PIK3R3: variants seen among roughly 807,000 people sequenced by gnomAD.
PIK3R3 encodes the protein phosphatidylinositol 3-kinase regulatory subunit gamma.
In PIK3R3, 64 loss-of-function variants were observed where a neutral mutation model predicts 62.9. The ratio of observed to expected loss-of-function variants is 1.02; its 90% CI spans 0.83 to 1.25. The LOEUF (loss-of-function observed/expected upper bound fraction) is 1.25. Among genes scored for constraint, PIK3R3 ranks in the 50% most tolerant of loss-of-function variants. PIK3R3 has a pLI of 0.00. For synonymous variants in PIK3R3, 165 were observed against 189.0 expected (o/e 0.87, Z 1.04); for missense variants, 614 against 561.6 (o/e 1.09, Z -0.94).
At chr1:46,045,616 G>GTTTTTTTTTTTTTTT (rs1357786582) in intron 9 of PIK3R3, among the ~76,000 whole-genome samples, 5 of 16,546 alleles carry the variant, frequency 3.0e-4, no homozygotes, top group Admixed American at 6.7e-4. Flanking sequence ...ACAATTAAGT[G>GTTTTTTTTTTTTTTT]CTTTTTTTTT....
intron 1 of PIK3R3, chr1:46,104,939 A>C (rs1039512413): frequency 2.3e-5 from 12 of 529,160 alleles, no homozygotes; most frequent in South Asian, 1.0e-4. Context: ...AAAAAAAAAA[A>C]AAAAAAAAAA....
upstream of PIK3R3, among the ~76,000 whole-genome samples, chr1:46,134,865 T>C (rs1400533223): frequency 6.6e-6 from 1 of 152,186 alleles, no homozygotes; most frequent in African/African-American, 2.4e-5. Flanking sequence ...CTTTGAGAGA[T>C]GAAGTGACGT....
chr1:46,143,654 A>ATT, the PIK3R3 span, among the ~76,000 whole-genome samples: 5 of 146,638 alleles, frequency 3.4e-5, no homozygotes, highest in Admixed American at 2.7e-4. Flanking sequence ...AAGAAAAAAA[A>ATT]TTTTTTTTTT....
intron 7 of PIK3R3, among the ~76,000 whole-genome samples, chr1:46,049,292 T>C (rs533668857): frequency 1.3e-5 from 2 of 152,216 alleles, no homozygotes; most frequent in South Asian, 2.1e-4. Context: ...TTTCTAAAGA[T>C]CTAATTGGTT....
chr1:46,157,637 C>T, the PIK3R3 span, among the ~76,000 whole-genome samples: 2 of 152,236 alleles, frequency 1.3e-5, no homozygotes, highest in Admixed American at 6.5e-5. Context: ...AATTCTTCGT[C>T]TCTCAATTCA....
intron 4 of PIK3R3, 91 bp from the exon 5 acceptor site, chr1:46,066,270 C>A: frequency 1.2e-6 from 1 of 836,298 alleles, no homozygotes; most frequent in Non-Finnish European, 1.9e-6. Flanking sequence ...AGGAAAATAT[C>A]ACCTCAACCA....
At chr1:46,153,691 T>A in the PIK3R3 span, among the ~76,000 whole-genome samples, 2 of 152,148 alleles carry the variant, frequency 1.3e-5, no homozygotes, top group Non-Finnish European at 2.9e-5. Flanking sequence ...AAAGGAAAAA[T>A]GAAGGATGTC....
the PIK3R3 span, among the ~76,000 whole-genome samples, chr1:46,174,002 C>G: frequency 6.6e-6 from 1 of 152,112 alleles, no homozygotes; most frequent in Non-Finnish European, 1.5e-5. Context: ...AGTGTGAAGG[C>G]ATGTGTCTGC....
chr1:46,169,362 T>C, the PIK3R3 span, among the ~76,000 whole-genome samples: 839 of 152,316 alleles, frequency 5.5e-3, 5 homozygotes, highest in Middle Eastern at 0.01. Flanking sequence ...ACACCCATCA[T>C]AGGCATTGAC....
the PIK3R3 span, among the ~76,000 whole-genome samples, chr1:46,170,794 TC>T: frequency 6.6e-6 from 1 of 152,180 alleles, no homozygotes; most frequent in Non-Finnish European, 1.5e-5. Flanking sequence ...CCTTTGCCTA[TC>T]CCCAGCAGGA....
chr1:46,139,607 T>G, the PIK3R3 span, among the ~76,000 whole-genome samples: 1 of 152,136 alleles, frequency 6.6e-6, no homozygotes, highest in Non-Finnish European at 1.5e-5. Flanking sequence ...GTGCCCGGCC[T>G]TACCCATGTG....
the PIK3R3 span, among the ~76,000 whole-genome samples, chr1:46,150,226 C>T: frequency 1.3e-5 from 2 of 152,148 alleles, no homozygotes; most frequent in African/African-American, 2.4e-5. Context: ...TATTATAATA[C>T]CTTCTCTGAC....
At chr1:46,122,650 G>A (rs1282672398) in intron 1 of PIK3R3, among the ~76,000 whole-genome samples, 1 of 152,078 alleles carries the variant, frequency 6.6e-6, no homozygotes, top group African/African-American at 2.4e-5. Flanking sequence ...TTACAGGTGT[G>A]AGCCACCGCG....
chr1:46,163,105 T>C, the PIK3R3 span, among the ~76,000 whole-genome samples: 1 of 152,240 alleles, frequency 6.6e-6, no homozygotes, highest in Admixed American at 6.5e-5. Context: ...TTTGGACACC[T>C]GAGGGAAAAT....
upstream of PIK3R3, among the ~76,000 whole-genome samples, chr1:46,136,012 A>G (rs1655915030): frequency 7.3e-6 from 1 of 136,254 alleles, no homozygotes; most frequent in Non-Finnish European, 1.5e-5. Context: ...CCTGGACAAC[A>G]GGGCGAGACT....
chr1:46,144,010 A>G, the PIK3R3 span, among the ~76,000 whole-genome samples: 1 of 152,092 alleles, frequency 6.6e-6, no homozygotes, highest in East Asian at 1.9e-4. Context: ...TGGCCAGTTC[A>G]CCATGATGTC....
At chr1:46,163,436 G>C in the PIK3R3 span, among the ~76,000 whole-genome samples, 5,037 of 152,280 alleles carry the variant, frequency 0.033, 273 homozygotes, top group African/African-American at 0.11. Flanking sequence ...TGTGGGAGCT[G>C]TCTGCAGGAA....
chr1:46,058,442 G>A (rs896693599), intron 6 of PIK3R3, among the ~76,000 whole-genome samples: 5 of 152,218 alleles, frequency 3.3e-5, no homozygotes, highest in African/African-American at 7.2e-5. Flanking sequence ...AGCTTACACC[G>A]TGTGCCTGGA....
At chr1:46,165,751 C>CTTTTTTTTTTTT in the PIK3R3 span, among the ~76,000 whole-genome samples, 32 of 39,556 alleles carry the variant, frequency 8.1e-4, 11 homozygotes, top group East Asian at 5.2e-3. Flanking sequence ...CTGCTTTGTC[C>CTTTTTTTTTTTT]TTTTTTTTTT....
Sources: allele counts gnomAD v4.1 joint callset (sites outside exome capture counted in the v4.1 genomes callset), GRCh38; gene constraint gnomAD v4.1.1; transcripts MANE v1.5; gene names NCBI Gene and HGNC (gene_info 2026-07-23, HGNC 2026-07-21).